The following DERL2 variants were observed in gnomAD, a reference collection of about 807,000 sequenced individuals.
DERL2 encodes derlin 2, also known as derlin-2.
In DERL2, 13 loss-of-function variants were observed where a neutral mutation model predicts 32.0. The ratio of observed to expected loss-of-function variants is 0.41; its 90% CI spans 0.26 to 0.65. DERL2 has a LOEUF of 0.65. DERL2 is among the 30% of genes least tolerant of loss of function. The probability of loss-of-function intolerance (pLI) is 0.35; values close to 1 mark genes in which losing one functional copy is unlikely to be tolerated. For missense variants in DERL2, 208 were observed against 296.3 expected (o/e 0.70, Z 2.19); for synonymous variants, 111 against 104.7 (o/e 1.06, Z -0.37).
At chr17:5,479,635 TA>T (rs1489040743) in intron 6 of DERL2, among the ~76,000 whole-genome samples, 1 of 151,812 alleles carries the variant, frequency 6.6e-6, no homozygotes, top group Non-Finnish European at 1.5e-5. Flanking sequence ...AGTCCAAAGC[TA>T]TTTCCACTCT....
At position 5,473,481 on chromosome 17, in the gene DERL2, T is replaced by C. The variant is rs1905210820; in HGVS notation, c.*1203A>G. 1 of 152,186 alleles carries C rather than the reference T, an allele frequency of 6.6e-6. No homozygotes were observed. Among genetic ancestry groups the C allele is most frequent in the South Asian group, 2.1e-4 (1 of 4,832 alleles). The allele number at this position is 152,186 out of a possible 1,614,324, so 9.4% of individuals were successfully genotyped here. On this transcript the variant is annotated 3_prime_UTR_variant, in exon 7 of 7. Coordinates refer to ENST00000158771, the MANE Select transcript of DERL2 (RefSeq NM_016041.5). ...GAATTTTCACGAAGCAAATGACTAA[T>C]GTTAACTAGCCAAAGACCCTGGAAG...
At chr17:5,485,426 A>G (rs1258629757) in intron 1 of DERL2, among the ~76,000 whole-genome samples, 2 of 152,222 alleles carry the variant, frequency 1.3e-5, no homozygotes, top group East Asian at 1.9e-4. Context: ...AACACAAAAA[A>G]GTCTGTTTTA....
Position 5,474,267 on chromosome 17 carries a change from A to C in DERL2, c.*417T>G, listed in dbSNP as rs1905256398. 6.5e-6 allele frequency: 1 copy of C among 154,052 alleles called. No individual in the cohort carries two copies. The highest frequency in any genetic ancestry group is 2.4e-5 in the African/African-American group (1 of 41,518). 9.5% of individuals were successfully genotyped at this position (154,052 alleles called of 1,614,324 possible). A position where few individuals can be genotyped will look rare whatever the true frequency, so the allele number is the denominator to read the frequency against. On this transcript the variant is annotated 3_prime_UTR_variant, in exon 7 of 7. Transcript: ENST00000158771. The surrounding 1 kb of genome is among the most constrained non-coding windows in gnomAD (Gnocchi z 4.3). ...GCTACAATACATTATCAGAATTTAA[A>C]AGATCACACACAAAAGCTTTAATAC...
At position 5,480,463 on chromosome 17, in the gene DERL2, G is replaced by A; in HGVS notation, c.447C>T (p.Phe149=). ...GCACCCAGGGCAGAAAGGGGGCCTG[G>A]AAGTTGAGAAGGCCGAAGAAGTTCA... ...VRMNFFGLLN[F]QAPFLPWVLM... The change falls in exon 5 of 7, where the codon TTC becomes TTT. Residue 149 remains phenylalanine (F), a synonymous_variant. Coordinates refer to ENST00000158771, the MANE Select transcript of DERL2 (RefSeq NM_016041.5). 6.2e-7 allele frequency: 1 copy of A among 1,613,238 alleles called. No individual in the cohort carries two copies. The highest frequency in any genetic ancestry group is 8.5e-7 in the Non-Finnish European group (1 of 1,179,754).
In DERL2 at chr17:5,473,197, G is replaced by T. The variant is rs1905199902; in HGVS notation, c.*1487C>A. On this transcript the variant is annotated 3_prime_UTR_variant, in exon 7 of 7. Coordinates refer to ENST00000158771, the MANE Select transcript of DERL2 (RefSeq NM_016041.5). ...AACTACTACTAACAATCCACTTTTGGGAAAGGGACCTGTGCCTACATGCCG... is the reference window on the plus strand; with the variant it reads ...AACTACTACTAACAATCCACTTTTGTGAAAGGGACCTGTGCCTACATGCCG... 1 of 152,118 alleles carries T rather than the reference G, an allele frequency of 6.6e-6. No individual in the cohort carries two copies. The highest frequency in any genetic ancestry group is 1.5e-5 in the Non-Finnish European group (1 of 68,024). The allele number at this position is 152,118 out of a possible 1,614,324, so 9.4% of individuals were successfully genotyped here.
chr17:5,482,977 G>C, intron 2 of DERL2, 95 bp from the exon 3 acceptor site: 1 of 666,740 alleles, frequency 1.5e-6, no homozygotes, highest in Non-Finnish European at 2.5e-6. Context: ...CTATGACTGC[G>C]GTGGTTGAGA....
chr17:5,485,251 A>ACCAG, intron 1 of DERL2, 35 bp from the exon 2 acceptor site: 1 of 1,484,720 alleles, frequency 6.7e-7, no homozygotes, highest in South Asian at 1.2e-5. Flanking sequence ...AAGCAAATCA[A>ACCAG]GAAACAAAAT....
rs1906259108 is a variant in DERL2, at chr17:5,486,117, C to G, written c.45G>C (p.Pro15=). Residue 15 remains proline (P), a synonymous_variant, in exon 1 of 7, where the codon CCG becomes CCC. Transcript: ENST00000158771. ...AGGCAGTGGTGTAGGCGCGGCTGAC[C>G]GGTGGGATCTGCAGGTACTCCAGCC... is the stretch of plus-strand genomic sequence containing the variant. ...SLRLEYLQIP[P]VSRAYTTACV... is the part of the protein sequence containing the mutation. The G allele has an allele frequency of 6.2e-7, 1 of 1,611,634 alleles. No individual in the cohort carries two copies. Among genetic ancestry groups the G allele is most frequent in the African/African-American group, 1.3e-5 (1 of 74,832 alleles).
rs1191423283 is a variant in DERL2, at chr17:5,480,058, T to C, written c.610A>G (p.Ile204Val). 1 of 1,590,396 alleles carries C rather than the reference T, an allele frequency of 6.3e-7. No individual in the cohort carries two copies. Among genetic ancestry groups the C allele is most frequent in the East Asian group, 2.2e-5 (1 of 44,726 alleles). Reference sequence around the variant, plus strand: ...AACCTGGTGTTAAATACTCACAAAATAGATGGTGTTTTCAGAATTCTTATT... The same window carrying C: ...AACCTGGTGTTAAATACTCACAAAACAGATGGTGTTTTCAGAATTCTTATT... ...GGIRILKTPSILKAIFDTPDE... is the reference protein window; with the variant it reads ...GGIRILKTPSVLKAIFDTPDE... Residue 204 changes from isoleucine (I) to valine (V), a missense_variant, in exon 6 of 7, where the codon ATT (isoleucine) becomes GTT (valine). Around this residue, in one of 3 missense-constraint regions of DERL2, gnomAD observed 124 missense variants for 215.3 expected, o/e 0.58. Transcript: ENST00000158771.
chr17:5,485,539 T>A (rs916135928), intron 1 of DERL2, among the ~76,000 whole-genome samples: 15 of 152,196 alleles, frequency 9.9e-5, no homozygotes, highest in African/African-American at 3.6e-4. Context: ...ACCCACCACA[T>A]GGGCACCACC....
intron 5 of DERL2, 97 bp downstream of exon 5, chr17:5,480,290 A>G: frequency 1.5e-6 from 2 of 1,292,390 alleles, no homozygotes; most frequent in South Asian, 1.4e-5. Context: ...ATTTTACAAT[A>G]GGTAATACGT....
At chr17:5,485,018 C>T (rs374978632) in intron 2 of DERL2, 133 bp downstream of exon 2, 2 of 525,944 alleles carry the variant, frequency 3.8e-6, no homozygotes, top group African/African-American at 4.0e-5. Flanking sequence ...TGCTTTATAT[C>T]CTGACAAGGC....
In DERL2 at chr17:5,480,521, T is replaced by C. The variant is rs1905707099; in HGVS notation, c.389A>G (p.Tyr130Cys). 1.3e-6 allele frequency: 2 copies of C among 1,599,948 alleles called. No homozygotes were observed. The highest frequency in any genetic ancestry group is 1.7e-6 in the Non-Finnish European group (2 of 1,176,102). ...LGQAFTIMLVYVWSRRNPYVR... is the reference protein window; with the variant it reads ...LGQAFTIMLVCVWSRRNPYVR... ...ATAGGGGTTCCTTCGGCTCCACACA[T>C]AGACGAGCATTATTGTAAAGGCCTG... Residue 130 changes from tyrosine to cysteine, a missense_variant, in exon 5 of 7, where the codon TAT (tyrosine) becomes TGT (cysteine). Transcript: ENST00000158771.
At chr17:5,480,214 C>T (rs1052433341) in intron 5 of DERL2, 70 bp from the exon 6 acceptor site, 1 of 1,253,256 alleles carries the variant, frequency 8.0e-7, no homozygotes, top group East Asian at 2.3e-5. Context: ...CCTACCAACA[C>T]AAATTGCCTA....
At chr17:5,480,320 C>T in intron 5 of DERL2, 67 bp downstream of exon 5, 1 of 1,492,854 alleles carries the variant, frequency 6.7e-7, no homozygotes, top group East Asian at 2.3e-5. Flanking sequence ...ACAGAATAAA[C>T]ATGAAAAATA....
chr17:5,483,157 T>C (rs1228102093), intron 2 of DERL2, among the ~76,000 whole-genome samples: 2 of 152,064 alleles, frequency 1.3e-5, no homozygotes, highest in Non-Finnish European at 1.5e-5. Flanking sequence ...ATGGAGAAAG[T>C]TTGCTGGAAA....
At chr17:5,480,348 C>G (rs1248112524) in intron 5 of DERL2, 39 bp downstream of exon 5, 1 of 1,561,898 alleles carries the variant, frequency 6.4e-7, no homozygotes, top group Non-Finnish European at 8.7e-7. Context: ...AATACTTTTA[C>G]AGGTAAAATA....
rs980470590 is a variant in DERL2 at position 5,481,718 on chromosome 17, C to T, written c.234-329G>A. 1.3e-5 allele frequency among the ~76,000 whole-genome samples: 2 copies of T among 151,740 alleles called. No individual in the cohort carries two copies. Among genetic ancestry groups the T allele is most frequent in the Non-Finnish European group, 2.9e-5 (2 of 67,954 alleles). ...AGGATGGAGTGCAATGGTGCCATAT[C>T]GGCTCACTGCAAGCTCCGCCTCTCA... On this transcript the variant is annotated intron_variant, in intron 3 of 6. Transcript: ENST00000158771. This position sits in a 1 kb window ranked among gnomAD's most constrained non-coding sequence, Gnocchi z 4.4.
At chr17:5,483,718 C>T (rs1011263732) in intron 2 of DERL2, among the ~76,000 whole-genome samples, 1 of 152,066 alleles carries the variant, frequency 6.6e-6, no homozygotes, top group South Asian at 2.1e-4. Flanking sequence ...ACCAAGGACC[C>T]GCAGGAGTAG....
Sources: allele counts gnomAD v4.1 joint callset (sites outside exome capture counted in the v4.1 genomes callset), GRCh38; gene constraint gnomAD v4.1.1; regional missense constraint gnomAD v4.1.1; non-coding constraint Gnocchi (gnomAD v3.1); transcripts MANE v1.5; gene names NCBI Gene and HGNC (gene_info 2026-07-23, HGNC 2026-07-21).